The following SRSF7 variants were observed in gnomAD, a reference collection of about 807,000 sequenced individuals.
SRSF7 encodes serine and arginine rich splicing factor 7, also known as serine/arginine-rich splicing factor 7.
Under a neutral mutation model 42.2 loss-of-function variants are expected in SRSF7, and 15 were observed. The observed-to-expected ratio is 0.36, with a 90% CI of 0.24 to 0.55. SRSF7 has a LOEUF of 0.55. Ranked by LOEUF, SRSF7 falls within the 20% of genes least tolerant of loss-of-function variation. SRSF7 has a pLI of 0.88. For synonymous variants in SRSF7, 138 were observed against 107.9 expected, an observed-to-expected ratio of 1.28 and a Z score of -1.73; for missense variants, 181 against 305.9, an observed-to-expected ratio of 0.59 and a Z score of 3.04.
In SRSF7 at chr2:38,751,318, A is replaced by C; in HGVS notation, c.-62T>G. The C allele has an allele frequency of 1.2e-6, 2 of 1,611,332 alleles. No individual in the cohort carries two copies. The highest frequency in any genetic ancestry group is 1.7e-6 in the Non-Finnish European group (2 of 1,178,236). ...GCGCCCAGGGCTCGAGTGACGCAAAAGCTGACACACACCTTCACCCGCCAA... is the reference window on the plus strand; with the variant it reads ...GCGCCCAGGGCTCGAGTGACGCAAACGCTGACACACACCTTCACCCGCCAA... On this transcript the variant is annotated 5_prime_UTR_variant, in exon 1 of 8. Transcript: ENST00000313117.
intron 7 of SRSF7, among the ~76,000 whole-genome samples, 153 bp downstream of exon 7, chr2:38,745,989 CAA>C (rs60846029): frequency 1.4e-5 from 2 of 144,494 alleles, no homozygotes; most frequent in African/African-American, 2.5e-5. Flanking sequence ...GTTACTGAAT[CAA>C]AAAAAAAAAG....
At chr2:38,746,232 C>A in intron 6 of SRSF7, 53 bp from the exon 7 acceptor site, 1 of 1,597,036 alleles carries the variant, frequency 6.3e-7, no homozygotes, top group Non-Finnish European at 8.6e-7. Context: ...CAATCCCTTT[C>A]TTGTAGTCAC....
At position 38,745,083 on chromosome 2, in the gene SRSF7, A is replaced by AT; in HGVS notation, c.*49dup. The AT allele has an allele frequency of 6.3e-7, 1 of 1,584,698 alleles. No individual in the cohort carries two copies. Among genetic ancestry groups the AT allele is most frequent in the Non-Finnish European group, 8.7e-7 (1 of 1,154,484 alleles). ...ACTTTACAGACATCACAAATCCCTT[A>AT]TAATAATGTAAACAAAATAACTTTT... On this transcript the variant is annotated 3_prime_UTR_variant, in exon 8 of 8. Transcript: ENST00000313117.
At chr2:38,749,187 G>C in intron 3 of SRSF7, 3 of 1,332,782 alleles carry the variant, frequency 2.3e-6, no homozygotes, top group South Asian at 2.5e-5. Flanking sequence ...TAAAGAATAA[G>C]GTGAAGCTAG....
rs1312701384 is a variant in SRSF7 at position 38,746,997 on chromosome 2, G to GT, written c.573-251dup. ...CAGGTATAACATTCTCAAACACTGTGTAATATCCAAGGGAAATACATGGTT... is the reference window on the plus strand; with the variant it reads ...CAGGTATAACATTCTCAAACACTGTGTTAATATCCAAGGGAAATACATGGTT... On this transcript the variant is annotated intron_variant, in intron 5 of 7. Transcript: ENST00000313117. The GT allele has an allele frequency of 7.5e-6, 5 of 665,002 alleles. No individual in the cohort carries two copies. In the East Asian group the frequency reaches 1.3e-4, roughly 18 times the overall value. The allele number at this position is 665,002 out of a possible 1,614,324, so 41.2% of individuals were successfully genotyped here. A position where few individuals can be genotyped will look rare whatever the true frequency, so the allele number is the denominator to read the frequency against.
At chr2:38,746,327 CAAA>C in intron 6 of SRSF7, 148 bp from the exon 7 acceptor site, 2 of 918,322 alleles carry the variant, frequency 2.2e-6, no homozygotes, top group Admixed American at 2.6e-5. Context: ...TTGTTGCTAA[CAAA>C]AGCCAATCTT....
At chr2:38,749,957 T>G in intron 2 of SRSF7, 57 bp downstream of exon 2, 1 of 1,529,582 alleles carries the variant, frequency 6.5e-7, no homozygotes, top group Non-Finnish European at 8.8e-7. Flanking sequence ...AGCACTAAGT[T>G]CATTATCTAG....
chr2:38,744,404 T>G lies in SRSF7; in HGVS notation c.*729A>C. ...GTAGAAAGCAAAGAAACAAGACCAT[T>G]GAGAGTAGAACTCCCCATATCTTGG... On this transcript the variant is annotated 3_prime_UTR_variant, in exon 8 of 8. Transcript: ENST00000313117. The G allele has an allele frequency of 6.6e-6, 1 of 152,504 alleles. No homozygotes were observed. Among genetic ancestry groups the G allele is most frequent in the East Asian group, 1.9e-4 (1 of 5,184 alleles). The allele number at this position is 152,504 out of a possible 1,614,324, so 9.4% of individuals were successfully genotyped here. A position where few individuals can be genotyped will look rare whatever the true frequency, so the allele number is the denominator to read the frequency against.
Position 38,751,231 on chromosome 2 carries a change from C to A in SRSF7, c.26G>T (p.Gly9Val). MSRYGRYG[G>V]ETKVYVGNLG... ...CTCACCGGACTCCAGCTTCTTACCT[C>A]CTCCGTACCGCCCGTAACGCGACAT... Residue 9 changes from glycine to valine, a missense_variant and splice_region_variant, in exon 1 of 8, where the codon GGA (glycine) becomes GTA (valine). Transcript: ENST00000313117. The A allele has an allele frequency of 1.9e-6, 3 of 1,614,052 alleles. No individual in the cohort carries two copies. The highest frequency in any genetic ancestry group is 2.5e-6 in the Non-Finnish European group (3 of 1,180,004).
chr2:38,748,184 T>G, intron 4 of SRSF7, 27 bp from the exon 5 acceptor site: 1 of 1,499,020 alleles, frequency 6.7e-7, no homozygotes, highest in Non-Finnish European at 9.1e-7. Context: ...TAAGTCCATC[T>G]CCACAGTTTT....
At chr2:38,747,240 G>C in intron 5 of SRSF7, 1 of 338,784 alleles carries the variant, frequency 3.0e-6, no homozygotes, top group South Asian at 2.3e-5. Context: ...CCTGGATCAA[G>C]TTATGTTTGA....
intron 5 of SRSF7, among the ~76,000 whole-genome samples, chr2:38,747,292 T>C (rs974194905): frequency 6.6e-6 from 1 of 152,240 alleles, no homozygotes; most frequent in South Asian, 2.1e-4. Context: ...GACTGACATA[T>C]CTATCTTTTA....
In SRSF7 at chr2:38,750,175, A is replaced by T; in HGVS notation, c.48T>A (p.Gly16=). ...RYGGETKVYV[G]NLGTGAGKGE... is the part of the protein sequence containing the mutation. ...CTTTGCCAGCGCCAGTTCCCAGGTT[A>T]CCAACATACACCTTGGTTTCTGTTT... Residue 16 remains glycine (G), a synonymous_variant, in exon 2 of 8, where the codon GGT becomes GGA. Transcript: ENST00000313117. The T allele has an allele frequency of 5.4e-5, 87 of 1,601,530 alleles. 1 individual carries two copies. The South Asian group carries it at 9.3e-4, about 17-fold the overall frequency.
intron 7 of SRSF7, 142 bp downstream of exon 7, chr2:38,745,997 AAAAGT>A (rs1197010711): frequency 4.1e-6 from 3 of 734,056 alleles, no homozygotes; most frequent in Non-Finnish European, 6.7e-6. Flanking sequence ...ATCAAAAAAA[AAAAGT>A]ATTTCAGAAA....
intron 5 of SRSF7, among the ~76,000 whole-genome samples, chr2:38,747,358 T>G (rs1667604715): frequency 6.6e-6 from 1 of 152,244 alleles, no homozygotes; most frequent in African/African-American, 2.4e-5. Context: ...AGATTCAGAA[T>G]TCCTGCATTT....
At chr2:38,748,256 C>T in intron 4 of SRSF7, 99 bp from the exon 5 acceptor site, 8 of 867,466 alleles carry the variant, frequency 9.2e-6, no homozygotes, top group Non-Finnish European at 1.5e-5. Flanking sequence ...TGCCCATAAT[C>T]CCAGCACTGC....
intron 5 of SRSF7, among the ~76,000 whole-genome samples, chr2:38,747,512 C>A (rs756199529): frequency 3.3e-5 from 5 of 152,118 alleles, no homozygotes; most frequent in Admixed American, 6.6e-5. Flanking sequence ...CCTTTTAAGG[C>A]CTTCTACAAA....
At chr2:38,749,877 C>T in intron 2 of SRSF7, 137 bp downstream of exon 2, 2 of 1,250,864 alleles carry the variant, frequency 1.6e-6, no homozygotes, top group Non-Finnish European at 2.2e-6. Flanking sequence ...CTTTAACCTT[C>T]GTGTGCCTTT....
rs1668346815 is a variant in SRSF7 at position 38,751,347 on chromosome 2, T to TCCCGGCGGCACTACGAGGAAGAGC, written c.-92_-91insGCTCTTCCTCGTAGTGCCGCCGGG. ...GACACACACCTTCACCCGCCAAGAG[T>TCCCGGCGGCACTACGAGGAAGAGC]CCCGGCGGCACTACGAGGAAGAGCC... On this transcript the variant is annotated 5_prime_UTR_variant, in exon 1 of 8. Transcript: ENST00000313117. 2.5e-6 allele frequency: 4 copies of TCCCGGCGGCACTACGAGGAAGAGC among 1,583,326 alleles called. No homozygotes were observed. The highest frequency in any genetic ancestry group is 3.4e-5 in the Admixed American group (2 of 59,550).
Sources: allele counts gnomAD v4.1 joint callset (sites outside exome capture counted in the v4.1 genomes callset), GRCh38; gene constraint gnomAD v4.1.1; transcripts MANE v1.5; gene names NCBI Gene and HGNC (gene_info 2026-07-23, HGNC 2026-07-21).